RABGAP1L: variants seen among roughly 807,000 people sequenced by gnomAD.
RABGAP1L encodes the protein rab GTPase-activating protein 1-like.
A neutral mutation model predicts 137.7 loss-of-function variants in RABGAP1L; 63 were observed. That is an observed-to-expected ratio of 0.46 (90% CI 0.37 to 0.56). The LOEUF (loss-of-function observed/expected upper bound fraction) is 0.56, where lower values mean the gene tolerates loss of function less well. Among genes scored for constraint, RABGAP1L ranks in the 20% least tolerant of loss-of-function variants. The pLI is 0.00. For synonymous variants in RABGAP1L, 431 were observed against 433.7 expected (o/e 0.99, Z 0.08); for missense variants, 1,095 against 1,244.0 (o/e 0.88, Z 1.80).
At chr1:174,602,376 C>T (rs76332159) in intron 13 of RABGAP1L, among the ~76,000 whole-genome samples, 2,359 of 152,222 alleles carry the variant, frequency 0.015, 42 homozygotes, top group African/African-American at 0.054. Context: ...TCTCGTGAGA[C>T]TTATTCACTA....
At chr1:174,909,595 CA>C (rs1341648035) in intron 19 of RABGAP1L, among the ~76,000 whole-genome samples, 1 of 152,046 alleles carries the variant, frequency 6.6e-6, no homozygotes, top group Non-Finnish European at 1.5e-5. Context: ...TAGAAAAGAT[CA>C]ACAAAGTGAA....
chr1:174,773,294 G>A (rs1686271880), intron 18 of RABGAP1L, among the ~76,000 whole-genome samples: 1 of 152,062 alleles, frequency 6.6e-6, no homozygotes. Context: ...GGAAGGCTAA[G>A]GTGGAAAGAT....
chr1:174,652,019 A>T (rs1371225528), intron 14 of RABGAP1L, among the ~76,000 whole-genome samples: 1 of 152,256 alleles, frequency 6.6e-6, no homozygotes, highest in East Asian at 1.9e-4. Context: ...GAGCTCTTTT[A>T]AGGCAGGCCT....
chr1:174,474,644 C>T (rs1456904652), intron 13 of RABGAP1L, among the ~76,000 whole-genome samples: 1 of 152,038 alleles, frequency 6.6e-6, no homozygotes, highest in Non-Finnish European at 1.5e-5. Context: ...TGCTCTGTCG[C>T]CAGGCTGGAG....
At chr1:174,390,247 T>A (rs1687113945) in intron 12 of RABGAP1L, among the ~76,000 whole-genome samples, 1 of 152,188 alleles carries the variant, frequency 6.6e-6, no homozygotes, top group African/African-American at 2.4e-5. Flanking sequence ...TGCCTGTCTC[T>A]AAAGATAAAT....
At chr1:174,556,292 G>A (rs1487451165) in intron 13 of RABGAP1L, among the ~76,000 whole-genome samples, 1 of 151,916 alleles carries the variant, frequency 6.6e-6, no homozygotes, top group African/African-American at 2.4e-5. Context: ...CACCACTCCT[G>A]GCCTCTTTTG....
At chr1:174,328,592 A>C (rs181411475) in intron 11 of RABGAP1L, among the ~76,000 whole-genome samples, 1 of 152,226 alleles carries the variant, frequency 6.6e-6, no homozygotes, top group East Asian at 1.9e-4. Flanking sequence ...CAACACAGTG[A>C]AATCCCGTCT....
chr1:174,728,500 T>C (rs1477763039), intron 17 of RABGAP1L, among the ~76,000 whole-genome samples: 1 of 152,064 alleles, frequency 6.6e-6, no homozygotes, highest in Non-Finnish European at 1.5e-5. Flanking sequence ...AAACATTTCT[T>C]GTTCATGGAT....
At chr1:174,252,740 A>T in intron 7 of RABGAP1L, 150 bp downstream of exon 7, 1 of 1,248,202 alleles carries the variant, frequency 8.0e-7, no homozygotes, top group Non-Finnish European at 1.0e-6. Flanking sequence ...TTTAACTTAG[A>T]TGTAACTGGT....
intron 19 of RABGAP1L, among the ~76,000 whole-genome samples, chr1:174,904,215 C>T (rs150729516): frequency 6.6e-6 from 1 of 152,122 alleles, no homozygotes; most frequent in East Asian, 1.9e-4. Context: ...ACTAGAAAAA[C>T]TGAGATTGAG....
intron 3 of RABGAP1L, among the ~76,000 whole-genome samples, chr1:174,229,634 C>A (rs1670468238): frequency 6.6e-6 from 1 of 152,096 alleles, no homozygotes; most frequent in Non-Finnish European, 1.5e-5. Context: ...CTCAATAAAT[C>A]TACACTTTAC....
At chr1:174,432,686 C>T (rs777651052) in intron 13 of RABGAP1L, among the ~76,000 whole-genome samples, 7 of 152,074 alleles carry the variant, frequency 4.6e-5, no homozygotes, top group Non-Finnish European at 8.8e-5. Flanking sequence ...TACAAGCGTG[C>T]GCCTCCATGC....
At chr1:174,276,480 G>A (rs1372524530) in intron 9 of RABGAP1L, among the ~76,000 whole-genome samples, 1 of 151,958 alleles carries the variant, frequency 6.6e-6, no homozygotes, top group African/African-American at 2.4e-5. Flanking sequence ...GAAAGCATTT[G>A]GGCTTTGTTT....
intron 13 of RABGAP1L, among the ~76,000 whole-genome samples, chr1:174,418,300 A>G (rs943622857): frequency 6.6e-6 from 1 of 152,182 alleles, no homozygotes; most frequent in Non-Finnish European, 1.5e-5. Flanking sequence ...TATTATTTCC[A>G]CAGATATTGT....
At chr1:174,636,390 T>C (rs1353580949) in intron 13 of RABGAP1L, among the ~76,000 whole-genome samples, 1 of 152,060 alleles carries the variant, frequency 6.6e-6, no homozygotes, top group African/African-American at 2.4e-5. Flanking sequence ...TAGCTGGGCG[T>C]GGTGGCGGGC....
intron 13 of RABGAP1L, among the ~76,000 whole-genome samples, chr1:174,531,752 G>C (rs374250305): frequency 9.2e-5 from 12 of 129,790 alleles, no homozygotes; most frequent in Middle Eastern, 4.5e-3. Flanking sequence ...TCGGGGGTGG[G>C]GGGGGGGAAG....
At position 174,699,659 on chromosome 1, in the gene RABGAP1L, A is replaced by C; in HGVS notation, c.2025+9A>C. ...TGGAGAGACTAATGCAGGTAAATAA[A>C]AATTAGGAACTTTTATCACTCAGGG... On this transcript the variant is annotated intron_variant, in intron 16 of 25. Coordinates refer to ENST00000681986, the MANE Select transcript of RABGAP1L (RefSeq NM_001366446.1). The C allele has an allele frequency of 6.3e-7, 1 of 1,594,926 alleles. No individual in the cohort carries two copies. The highest frequency in any genetic ancestry group is 8.6e-7 in the Non-Finnish European group (1 of 1,166,714).
chr1:174,724,699 CT>C (rs979091655), intron 17 of RABGAP1L, among the ~76,000 whole-genome samples: 3 of 152,036 alleles, frequency 2.0e-5, no homozygotes, highest in Non-Finnish European at 4.4e-5. Context: ...GTCTTTGCAT[CT>C]ATAGTGCTAA....
chr1:174,902,883 C>G (rs1658377259), intron 19 of RABGAP1L, among the ~76,000 whole-genome samples: 1 of 145,124 alleles, frequency 6.9e-6, no homozygotes, highest in Admixed American at 6.7e-5. Flanking sequence ...TTCACTCTTC[C>G]TTTTTCATTC....
Sources: gnomAD v4.1 joint callset for allele counts (sites outside exome capture counted in the v4.1 genomes callset) on GRCh38, gnomAD v4.1.1 for gene constraint, MANE v1.5 for transcripts, NCBI Gene and HGNC (gene_info 2026-07-23, HGNC 2026-07-21) for gene names.